Variants in ADAMTS3 observed in about 807,000 individuals in gnomAD.
The protein encoded by ADAMTS3 is ADAM metallopeptidase with thrombospondin type 1 motif 3, also known as A disintegrin and metalloproteinase with thrombospondin motifs 3.
ADAMTS3 carries 73 observed loss-of-function variants against 129.0 expected under a neutral mutation model. That is an observed-to-expected ratio of 0.57 (90% CI 0.47 to 0.69). ADAMTS3 has a LOEUF of 0.69. Ranked by LOEUF, ADAMTS3 falls within the 30% of genes least tolerant of loss-of-function variation. The probability of loss-of-function intolerance (pLI) is 0.00; values close to 1 mark genes in which losing one functional copy is unlikely to be tolerated. For missense variants in ADAMTS3, 1,457 were observed against 1,514.5 expected (o/e 0.96, Z 0.63); for synonymous variants, 477 against 510.8 (o/e 0.93, Z 0.89).
chr4:72,322,184 C>A (rs1719573438), intron 6 of ADAMTS3, among the ~76,000 whole-genome samples: 2 of 152,056 alleles, frequency 1.3e-5, no homozygotes, highest in South Asian at 4.2e-4. Context: ...TCCTTGTTGG[C>A]AATATAAAAT....
intron 3 of ADAMTS3, among the ~76,000 whole-genome samples, chr4:72,548,144 T>C (rs1355518222): frequency 6.6e-6 from 1 of 152,172 alleles, no homozygotes; most frequent in African/African-American, 2.4e-5. Flanking sequence ...CTATGCTTCT[T>C]TGGAAAGTTT....
At chr4:72,396,102 T>C (rs1043033701) in intron 4 of ADAMTS3, among the ~76,000 whole-genome samples, 2 of 152,176 alleles carry the variant, frequency 1.3e-5, no homozygotes, top group Non-Finnish European at 2.9e-5. Flanking sequence ...ACTGGGTGGA[T>C]GTTGGTTTCA....
At chr4:72,324,593 G>A (rs900520695) in intron 5 of ADAMTS3, among the ~76,000 whole-genome samples, 2 of 151,874 alleles carry the variant, frequency 1.3e-5, no homozygotes, top group African/African-American at 2.4e-5. Flanking sequence ...ACACACACAT[G>A]TACTCACATA....
At chr4:72,312,039 G>A (rs1005415392) in intron 13 of ADAMTS3, 6 of 392,356 alleles carry the variant, frequency 1.5e-5, no homozygotes, top group Admixed American at 7.8e-5. Context: ...TCTCCCAGGC[G>A]TTCCTTTCCA....
At chr4:72,348,785 G>C (rs1720353996) in intron 4 of ADAMTS3, among the ~76,000 whole-genome samples, 1 of 151,620 alleles carries the variant, frequency 6.6e-6, no homozygotes, top group Non-Finnish European at 1.5e-5. Context: ...CAGGAGAGAG[G>C]TATCTAGTTG....
intron 4 of ADAMTS3, among the ~76,000 whole-genome samples, chr4:72,400,124 ACGTGTG>A (rs1560501615): frequency 3.2e-5 from 4 of 126,944 alleles, no homozygotes; most frequent in Non-Finnish European, 1.7e-5. Flanking sequence ...GTGTGTATAT[ACGTGTG>A]TATATATGCA....
intron 4 of ADAMTS3, among the ~76,000 whole-genome samples, chr4:72,404,434 T>C (rs1722001340): frequency 6.6e-6 from 1 of 152,070 alleles, no homozygotes; most frequent in African/African-American, 2.4e-5. Context: ...TGAATGGTAT[T>C]GGGAAAAGTG....
At chr4:72,560,606 G>A (rs1225778298) in intron 2 of ADAMTS3, among the ~76,000 whole-genome samples, 2 of 152,148 alleles carry the variant, frequency 1.3e-5, no homozygotes, top group Non-Finnish European at 2.9e-5. Context: ...AGCACCACAT[G>A]TTCTCACTCA....
At chr4:72,456,342 A>G (rs111980099) in intron 3 of ADAMTS3, among the ~76,000 whole-genome samples, 51 of 23,274 alleles carry the variant, frequency 2.2e-3, no homozygotes, top group Admixed American at 4.7e-3. Flanking sequence ...TATACTGTAT[A>G]TACTATATAT....
intron 3 of ADAMTS3, among the ~76,000 whole-genome samples, chr4:72,539,265 T>A (rs909970702): frequency 6.6e-6 from 1 of 151,976 alleles, no homozygotes; most frequent in South Asian, 2.1e-4. Flanking sequence ...ATATATCTGA[T>A]AAGAGATTAA....
chr4:72,539,832 C>T (rs539519901), intron 3 of ADAMTS3, among the ~76,000 whole-genome samples: 1 of 152,168 alleles, frequency 6.6e-6, no homozygotes, highest in South Asian at 2.1e-4. Flanking sequence ...TGACTTGCTC[C>T]TCCTTGCCTT....
At chr4:72,476,854 T>C (rs141541229) in intron 3 of ADAMTS3, among the ~76,000 whole-genome samples, 9 of 152,258 alleles carry the variant, frequency 5.9e-5, no homozygotes, top group African/African-American at 2.2e-4. Flanking sequence ...CAAGGCTAGT[T>C]CAACTTTCAA....
Position 72,512,100 on chromosome 4 carries a change from G to A in ADAMTS3, c.504+36378C>T, listed in dbSNP as rs147174032. Among the ~76,000 whole-genome samples, 457 of 152,220 alleles carry A rather than the reference G, an allele frequency of 3.0e-3. 4 individuals carry two copies. The highest frequency in any genetic ancestry group is 0.011 in the African/African-American group (442 of 41,538). Reference sequence around the variant, plus strand: ...TCATAGATGTAGAGAGTAGAAGGATGGTTACCAGAGGCTGGGAAGGGTAGT... The same window carrying A: ...TCATAGATGTAGAGAGTAGAAGGATAGTTACCAGAGGCTGGGAAGGGTAGT... On this transcript the variant is annotated intron_variant, in intron 3 of 21. Transcript: ENST00000286657.
At chr4:72,351,604 G>A (rs1720440042) in intron 4 of ADAMTS3, among the ~76,000 whole-genome samples, 1 of 149,476 alleles carries the variant, frequency 6.7e-6, no homozygotes, top group African/African-American at 2.5e-5. Context: ...GAACTTCTTT[G>A]TTCATTAAAA....
intron 3 of ADAMTS3, among the ~76,000 whole-genome samples, chr4:72,436,619 A>G (rs1223538045): frequency 6.6e-6 from 1 of 152,042 alleles, no homozygotes; most frequent in Non-Finnish European, 1.5e-5. Flanking sequence ...ATGTCCATCA[A>G]TGATAGACTG....
At chr4:72,313,105 C>G (rs1719285658) in intron 12 of ADAMTS3, among the ~76,000 whole-genome samples, 1 of 152,182 alleles carries the variant, frequency 6.6e-6, no homozygotes, top group African/African-American at 2.4e-5. Context: ...ACATATTAAA[C>G]CCTAGACAAG....
chr4:72,440,648 T>C (rs1718088372), intron 3 of ADAMTS3, among the ~76,000 whole-genome samples: 1 of 151,752 alleles, frequency 6.6e-6, no homozygotes, highest in African/African-American at 2.4e-5. Flanking sequence ...CCTTGAGAGC[T>C]TATATTCTCA....
chr4:72,299,053 C>CTGTGTGTGTGTG (rs60439058), intron 17 of ADAMTS3, among the ~76,000 whole-genome samples: 6 of 138,068 alleles, frequency 4.3e-5, no homozygotes, highest in African/African-American at 1.1e-4. Context: ...TATTTGCATT[C>CTGTGTGTGTGTG]TGTGTGTGTG....
chr4:72,291,554 T>C (rs1317414847), intron 19 of ADAMTS3, among the ~76,000 whole-genome samples: 2 of 151,832 alleles, frequency 1.3e-5, no homozygotes, highest in Non-Finnish European at 2.9e-5. Context: ...TCCAATTTCA[T>C]CCATGTCCCT....
Sources: allele counts gnomAD v4.1 joint callset (sites outside exome capture counted in the v4.1 genomes callset), GRCh38; gene constraint gnomAD v4.1.1; transcripts MANE v1.5; gene names NCBI Gene and HGNC (gene_info 2026-07-23, HGNC 2026-07-21).